NELL1: variants seen among roughly 807,000 people sequenced by gnomAD.
NELL1 encodes protein kinase C-binding protein NELL1.
In NELL1, 76 loss-of-function variants were observed where a neutral mutation model predicts 107.4. The ratio of observed to expected loss-of-function variants is 0.71; its 90% CI spans 0.59 to 0.86. The LOEUF is 0.86. Ranked by LOEUF, NELL1 falls within the 40% of genes least tolerant of loss-of-function variation. The probability of loss-of-function intolerance (pLI) is 0.00; values close to 1 mark genes in which losing one functional copy is unlikely to be tolerated. For missense variants in NELL1, 1,024 were observed against 1,005.5 expected, an observed-to-expected ratio of 1.02 and a Z score of -0.25; for synonymous variants, 353 against 341.2, an observed-to-expected ratio of 1.03 and a Z score of -0.38.
intron 13 of NELL1, among the ~76,000 whole-genome samples, chr11:21,195,172 C>T (rs1402054945): frequency 6.6e-6 from 1 of 152,072 alleles, no homozygotes; most frequent in Non-Finnish European, 1.5e-5. Context: ...AGCACATGCC[C>T]AGTAAAAAAT....
chr11:20,919,448 C>T (rs1590415475), intron 7 of NELL1, 114 bp downstream of exon 7: 2 of 629,784 alleles, frequency 3.2e-6, no homozygotes, highest in African/African-American at 3.7e-5. Context: ...CTATATGTTA[C>T]TACAAAAATG....
chr11:21,279,806 G>A (rs1848951832), intron 14 of NELL1, among the ~76,000 whole-genome samples: 1 of 152,062 alleles, frequency 6.6e-6, no homozygotes, highest in Non-Finnish European at 1.5e-5. Context: ...ACCCAAACTT[G>A]GAAGCAATAA....
chr11:20,761,865 G>A (rs1311502733), intron 2 of NELL1, among the ~76,000 whole-genome samples: 5 of 152,194 alleles, frequency 3.3e-5, no homozygotes, highest in Admixed American at 6.5e-5. Context: ...GTTTTGCAGA[G>A]CCACACATTA....
At chr11:21,273,653 G>C (rs953890924) in intron 14 of NELL1, among the ~76,000 whole-genome samples, 2 of 152,156 alleles carry the variant, frequency 1.3e-5, no homozygotes, top group African/African-American at 4.8e-5. Context: ...CAGCCAGAGA[G>C]AAAGGTCGGG....
intron 13 of NELL1, among the ~76,000 whole-genome samples, chr11:21,126,749 G>C (rs1266905979): frequency 6.6e-6 from 1 of 152,202 alleles, no homozygotes; most frequent in Non-Finnish European, 1.5e-5. Context: ...CGCTTGCCTT[G>C]AGAAGCCCAG....
chr11:21,342,641 TTAA>T (rs1565178296), intron 14 of NELL1, among the ~76,000 whole-genome samples: 2 of 112,162 alleles, frequency 1.8e-5, no homozygotes, highest in East Asian at 2.9e-4. Flanking sequence ...GAGACTGTCT[TTAA>T]AAAAAAAAAA....
chr11:21,011,027 G>A (rs951788893), intron 12 of NELL1, among the ~76,000 whole-genome samples: 1 of 152,068 alleles, frequency 6.6e-6, no homozygotes, highest in Non-Finnish European at 1.5e-5. Flanking sequence ...GGGTTTCAAT[G>A]TTCCTGGTTT....
At chr11:21,064,594 G>A (rs1449120067) in intron 12 of NELL1, among the ~76,000 whole-genome samples, 1 of 152,096 alleles carries the variant, frequency 6.6e-6, no homozygotes, top group East Asian at 1.9e-4. Flanking sequence ...CTGCTGAAGA[G>A]TATAAGCTGA....
chr11:21,369,554 GT>G, intron 14 of NELL1, among the ~76,000 whole-genome samples: 1 of 151,770 alleles, frequency 6.6e-6, no homozygotes, highest in South Asian at 2.1e-4. Context: ...ATTGTGAGGG[GT>G]TCTACGTATT....
At chr11:20,785,610 T>G (rs144020500) in intron 3 of NELL1, among the ~76,000 whole-genome samples, 3 of 152,336 alleles carry the variant, frequency 2.0e-5, no homozygotes, top group African/African-American at 7.2e-5. Context: ...GAGAAGCATG[T>G]GAAACAGTTG....
At chr11:21,047,775 TTA>T (rs1479719370) in intron 12 of NELL1, among the ~76,000 whole-genome samples, 2 of 152,138 alleles carry the variant, frequency 1.3e-5, no homozygotes, top group Non-Finnish European at 2.9e-5. Context: ...TAACTCACAA[TTA>T]GTTTAATGTT....
chr11:21,215,463 C>T lies in NELL1; in HGVS notation c.1427-13869C>T, dbSNP rs146092144. ...AGGATACCCAAAAATGTGGAAGTGA[C>T]TTTGGAACTGGGTAACAGGCAGAGA... On this transcript the variant is annotated intron_variant, in intron 13 of 19. Coordinates refer to ENST00000357134, the MANE Select transcript of NELL1 (RefSeq NM_006157.5). Among the ~76,000 whole-genome samples, 1,233 of 152,262 alleles carry T rather than the reference C, an allele frequency of 8.1e-3. 25 individuals carry two copies. Among genetic ancestry groups the T allele is most frequent in the African/African-American group, 0.028 (1,171 of 41,556 alleles).
At chr11:21,052,240 A>G (rs1269296551) in intron 12 of NELL1, among the ~76,000 whole-genome samples, 1 of 152,062 alleles carries the variant, frequency 6.6e-6, no homozygotes, top group East Asian at 1.9e-4. Flanking sequence ...GGTAGGCAGG[A>G]TCTCCAAGGT....
intron 2 of NELL1, among the ~76,000 whole-genome samples, chr11:20,733,854 G>C (rs909925265): frequency 2.6e-5 from 4 of 151,846 alleles, no homozygotes; most frequent in African/African-American, 9.7e-5. Context: ...ACAAGAAAAG[G>C]GACAGTCTTT....
At chr11:21,160,260 C>G (rs938314806) in intron 13 of NELL1, among the ~76,000 whole-genome samples, 2 of 152,154 alleles carry the variant, frequency 1.3e-5, no homozygotes, top group African/African-American at 4.8e-5. Context: ...GAGGTGTCCT[C>G]CTCTGGGAAC....
intron 3 of NELL1, among the ~76,000 whole-genome samples, chr11:20,836,663 G>A (rs1290526511): frequency 6.6e-6 from 1 of 151,644 alleles, no homozygotes; most frequent in Non-Finnish European, 1.5e-5. Flanking sequence ...AATCTTTAAT[G>A]CATGTTACTA....
chr11:21,290,285 C>T (rs568916605), intron 14 of NELL1, among the ~76,000 whole-genome samples: 86 of 152,036 alleles, frequency 5.7e-4, no homozygotes, highest in Middle Eastern at 3.4e-3. Flanking sequence ...AGGAGAATGG[C>T]GTGAACCCGG....
chr11:20,746,464 G>A (rs1179872382), intron 2 of NELL1, among the ~76,000 whole-genome samples: 1 of 151,966 alleles, frequency 6.6e-6, no homozygotes, highest in African/African-American at 2.4e-5. Context: ...TATTAATATT[G>A]TCCTCCCTTC....
At chr11:20,994,095 T>A (rs7109217) in intron 12 of NELL1, among the ~76,000 whole-genome samples, 59,932 of 152,058 alleles carry the variant, frequency 0.39, 12,606 homozygotes, top group East Asian at 0.59. Flanking sequence ...AAGAAATCTA[T>A]TTTACTTTTG....
Sources: allele counts gnomAD v4.1 joint callset (sites outside exome capture counted in the v4.1 genomes callset), GRCh38; gene constraint gnomAD v4.1.1; transcripts MANE v1.5; gene names NCBI Gene and HGNC (gene_info 2026-07-23, HGNC 2026-07-21).